The following IMMP2L variants were observed in gnomAD, a reference collection of about 807,000 sequenced individuals.
IMMP2L encodes inner mitochondrial membrane peptidase subunit 2.
In IMMP2L, 18 loss-of-function variants were observed where a neutral mutation model predicts 19.3. The observed-to-expected ratio is 0.93, with a 90% CI of 0.64 to 1.38. The LOEUF (loss-of-function observed/expected upper bound fraction) is 1.38. Among genes scored for constraint, IMMP2L ranks in the 40% most tolerant of loss-of-function variants. The pLI is 0.00. For synonymous variants in IMMP2L, 76 were observed against 73.0 expected, an observed-to-expected ratio of 1.04 and a Z score of -0.21; for missense variants, 233 against 218.2, an observed-to-expected ratio of 1.07 and a Z score of -0.43.
At chr7:111,415,581 A>G (rs1454830035) in intron 3 of IMMP2L, among the ~76,000 whole-genome samples, 1 of 151,894 alleles carries the variant, frequency 6.6e-6, no homozygotes, top group African/African-American at 2.4e-5. Flanking sequence ...AATTTTGTAC[A>G]TTTTGACAAT....
At chr7:111,297,285 T>C (rs1821740391) in intron 3 of IMMP2L, among the ~76,000 whole-genome samples, 1 of 152,058 alleles carries the variant, frequency 6.6e-6, no homozygotes, top group Non-Finnish European at 1.5e-5. Flanking sequence ...TTGATACAGT[T>C]CTAAAATTAC....
At chr7:111,121,472 T>G (rs1800606034) in intron 3 of IMMP2L, among the ~76,000 whole-genome samples, 1 of 152,108 alleles carries the variant, frequency 6.6e-6, no homozygotes, top group Non-Finnish European at 1.5e-5. Flanking sequence ...AAAAGACACA[T>G]GAAAAAATGA....
chr7:111,123,971 C>A lies in IMMP2L; in HGVS notation c.240-160406G>T. On this transcript the variant is annotated intron_variant, in intron 3 of 5. Coordinates refer to ENST00000405709, the MANE Select transcript of IMMP2L (RefSeq NM_032549.4). This position sits in a 1 kb window ranked among gnomAD's most constrained non-coding sequence, Gnocchi z 6.4. ...GATTCACTGTTTTGCGTGGACCCAC[C>A]TGAATTCCAAGGTCAGAATGTTCGG... 7 of 1,613,964 alleles carry A rather than the reference C, an allele frequency of 4.3e-6. No homozygotes were observed. Among genetic ancestry groups the A allele is most frequent in the Admixed American group, 1.7e-5 (1 of 59,956 alleles).
chr7:111,146,356 C>T (rs1387930955), intron 3 of IMMP2L, among the ~76,000 whole-genome samples: 1 of 152,006 alleles, frequency 6.6e-6, no homozygotes, highest in South Asian at 2.1e-4. Context: ...TATTAAATTC[C>T]CTTTCACTTA....
intron 3 of IMMP2L, among the ~76,000 whole-genome samples, chr7:111,056,049 T>C (rs1490571973): frequency 6.6e-6 from 1 of 152,234 alleles, no homozygotes; most frequent in Non-Finnish European, 1.5e-5. Context: ...GCTATGTTAC[T>C]TTAAATTCAT....
chr7:110,883,951 T>A (rs1809951428), intron 5 of IMMP2L, among the ~76,000 whole-genome samples: 1 of 151,972 alleles, frequency 6.6e-6, no homozygotes, highest in African/African-American at 2.4e-5. Context: ...ATGGAACATA[T>A]TATCTAGGAG....
chr7:111,367,879 T>C (rs1187210211), intron 3 of IMMP2L, among the ~76,000 whole-genome samples: 1 of 151,740 alleles, frequency 6.6e-6, no homozygotes, highest in Non-Finnish European at 1.5e-5. Context: ...GGATAAGCAA[T>C]AGATGATAGC....
intron 3 of IMMP2L, among the ~76,000 whole-genome samples, chr7:111,051,688 T>C (rs867365080): frequency 6.6e-6 from 1 of 152,224 alleles, no homozygotes; most frequent in Non-Finnish European, 1.5e-5. Flanking sequence ...TAATTGTGGC[T>C]ATTCATGGAA....
chr7:111,509,218 CA>C (rs1233210547), intron 2 of IMMP2L, among the ~76,000 whole-genome samples: 1 of 152,064 alleles, frequency 6.6e-6, no homozygotes, highest in Non-Finnish European at 1.5e-5. Flanking sequence ...AAGGTCCTCA[CA>C]AAACGATTCT....
At chr7:110,884,553 C>CAT (rs998406122) in intron 5 of IMMP2L, among the ~76,000 whole-genome samples, 27 of 152,120 alleles carry the variant, frequency 1.8e-4, no homozygotes, top group Admixed American at 1.0e-3. Context: ...GTGCAATGAT[C>CAT]ATATACTCAA....
intron 3 of IMMP2L, chr7:111,391,772 A>T (rs1052829535): frequency 8.1e-6 from 5 of 615,324 alleles, no homozygotes; most frequent in Non-Finnish European, 1.2e-5. Flanking sequence ...ACAAACAACT[A>T]CGATAAGAGT....
intron 5 of IMMP2L, among the ~76,000 whole-genome samples, chr7:110,855,525 A>G (rs1297523158): frequency 1.3e-5 from 2 of 151,982 alleles, no homozygotes; most frequent in East Asian, 1.9e-4. Context: ...TGATCTTCCA[A>G]ATTTCTCTGA....
intron 1 of IMMP2L, among the ~76,000 whole-genome samples, chr7:111,532,764 A>AT (rs1426531983): frequency 6.6e-6 from 1 of 152,238 alleles, no homozygotes; most frequent in Non-Finnish European, 1.5e-5. Flanking sequence ...TAAGGCTCCA[A>AT]TTAGTCTGTC....
chr7:110,753,162 T>A (rs1387558446), intron 5 of IMMP2L, among the ~76,000 whole-genome samples: 1 of 152,062 alleles, frequency 6.6e-6, no homozygotes, highest in Non-Finnish European at 1.5e-5. Context: ...CCAAACTCCA[T>A]TGCTTTTTTG....
chr7:111,006,925 A>G (rs1824348421), intron 3 of IMMP2L, among the ~76,000 whole-genome samples: 1 of 152,024 alleles, frequency 6.6e-6, no homozygotes, highest in African/African-American at 2.4e-5. Context: ...GCACACAAAT[A>G]TGCTCGCTTG....
At chr7:110,836,740 T>C (rs1370993556) in intron 5 of IMMP2L, among the ~76,000 whole-genome samples, 1 of 152,200 alleles carries the variant, frequency 6.6e-6, no homozygotes, top group Non-Finnish European at 1.5e-5. Flanking sequence ...CCTAGGCTTT[T>C]GGTTGTTTGC....
intron 3 of IMMP2L, among the ~76,000 whole-genome samples, chr7:111,131,350 T>C (rs1801829605): frequency 6.6e-6 from 1 of 152,006 alleles, no homozygotes; most frequent in South Asian, 2.1e-4. Flanking sequence ...GCTTGAGATA[T>C]TCTGTTGACG....
At chr7:110,927,792 T>C (rs1229690895) in intron 4 of IMMP2L, among the ~76,000 whole-genome samples, 2 of 152,110 alleles carry the variant, frequency 1.3e-5, no homozygotes, top group Admixed American at 6.6e-5. Context: ...ATTAAAGTTG[T>C]GATAAATTGT....
Position 110,877,155 on chromosome 7 carries a change from A to C in IMMP2L, c.408+9438T>G, listed in dbSNP as rs925176045. Among the ~76,000 whole-genome samples, 1 of 152,194 alleles carries C rather than the reference A, an allele frequency of 6.6e-6. No individual in the cohort carries two copies. The highest frequency in any genetic ancestry group is 6.5e-5 in the Admixed American group (1 of 15,270). On this transcript the variant is annotated intron_variant, in intron 5 of 5. Coordinates refer to ENST00000405709, the MANE Select transcript of IMMP2L (RefSeq NM_032549.4). This position sits in a 1 kb window ranked among gnomAD's most constrained non-coding sequence, Gnocchi z 4.0. ...ATAACTTCTTTTATACAGAAATAGG[A>C]ATGGGCCAGATTTGGTTCAAGGGCC...
Sources: allele counts gnomAD v4.1 joint callset (sites outside exome capture counted in the v4.1 genomes callset), GRCh38; gene constraint gnomAD v4.1.1; non-coding constraint Gnocchi (gnomAD v3.1); transcripts MANE v1.5; gene names NCBI Gene and HGNC (gene_info 2026-07-23, HGNC 2026-07-21).